Variants in GAS2 observed in about 807,000 individuals in gnomAD.
GAS2 encodes the protein growth arrest specific 2.
Under a neutral mutation model 37.5 loss-of-function variants are expected in GAS2, and 20 were observed. The observed-to-expected ratio is 0.53, with a 90% CI of 0.37 to 0.77. GAS2 has a LOEUF of 0.77. GAS2 is among the 30% of genes least tolerant of loss of function. The pLI is 0.00. For missense variants in GAS2, 336 were observed against 373.4 expected (o/e 0.90, Z 0.82); for synonymous variants, 144 against 132.2 (o/e 1.09, Z -0.61).
intron 7 of GAS2, among the ~76,000 whole-genome samples, chr11:22,758,284 C>A (rs1854160653): frequency 6.6e-6 from 1 of 152,166 alleles, no homozygotes; most frequent in African/African-American, 2.4e-5. Flanking sequence ...GTCTTCATTG[C>A]AGTTCTTGCA....
rs71037525 is a variant in GAS2 at position 22,739,572 on chromosome 11, C to CAAAA, written c.473+1826_473+1829dup. 4.6e-3 allele frequency among the ~76,000 whole-genome samples: 296 copies of CAAAA among 64,538 alleles called. 4 individuals are homozygous for CAAAA. The highest frequency in any genetic ancestry group is 5.7e-3 in the South Asian group (7 of 1,232). 42.3% of individuals were successfully genotyped at this position (64,538 alleles called of 152,430 possible). ...TGGGCGACAGAGCAAGATTCGCTCT[C>CAAAA]AAAAAAAAAAAAAAAAAAAAAAAAA... is the stretch of plus-strand genomic sequence containing the variant. On this transcript the variant is annotated intron_variant, in intron 5 of 7. Coordinates refer to ENST00000454584, the MANE Select transcript of GAS2 (RefSeq NM_001143830.3).
At position 22,690,106 on chromosome 11, in the gene GAS2, A is replaced by G. The variant is rs376332005; in HGVS notation, c.267+4317A>G. Among the ~76,000 whole-genome samples, 22 of 152,246 alleles carry G rather than the reference A, an allele frequency of 1.4e-4. No individual in the cohort carries two copies. In the East Asian group the frequency reaches 2.7e-3, roughly 19 times the overall value. ...CAATATTTTTTACTATTCTTGGTTG[A>G]TAGTTAATTTGGAGATTTTACAGCT... On this transcript the variant is annotated intron_variant, in intron 3 of 7. Coordinates refer to ENST00000454584, the MANE Select transcript of GAS2 (RefSeq NM_001143830.3).
At chr11:22,687,269 G>C (rs2133951821) in intron 3 of GAS2, among the ~76,000 whole-genome samples, 1 of 152,260 alleles carries the variant, frequency 6.6e-6, no homozygotes, top group South Asian at 2.1e-4. Context: ...TGAGGTTGCA[G>C]TGAGCCAAGA....
chr11:22,767,458 C>T (rs1854752600), intron 7 of GAS2, among the ~76,000 whole-genome samples: 1 of 152,094 alleles, frequency 6.6e-6, no homozygotes, highest in Non-Finnish European at 1.5e-5. Flanking sequence ...GTAATGTCTA[C>T]TCGCAATGTT....
intron 7 of GAS2, among the ~76,000 whole-genome samples, chr11:22,775,247 G>T (rs925428392): frequency 1.1e-4 from 16 of 152,162 alleles, no homozygotes; most frequent in African/African-American, 3.9e-4. Flanking sequence ...GAATTGAAAA[G>T]GTATAAAGTT....
intron 1 of GAS2, among the ~76,000 whole-genome samples, chr11:22,672,853 T>C (rs1032468162): frequency 2.0e-5 from 3 of 152,080 alleles, no homozygotes; most frequent in Non-Finnish European, 2.9e-5. Flanking sequence ...CTTTGGGTTT[T>C]TCATGTTTAA....
At chr11:22,791,382 C>T (rs915138455) in intron 7 of GAS2, among the ~76,000 whole-genome samples, 2 of 151,848 alleles carry the variant, frequency 1.3e-5, no homozygotes, top group African/African-American at 2.4e-5. Flanking sequence ...TCTCAGTTTG[C>T]AGGTCTCAGT....
intron 5 of GAS2, among the ~76,000 whole-genome samples, chr11:22,745,135 A>G (rs1853316760): frequency 1.6e-5 from 2 of 123,582 alleles, no homozygotes; most frequent in African/African-American, 6.0e-5. Flanking sequence ...AAAAAAAAAG[A>G]AAGAAAAAAG....
At chr11:22,723,378 C>T (rs1351435791) in intron 3 of GAS2, among the ~76,000 whole-genome samples, 2 of 151,822 alleles carry the variant, frequency 1.3e-5, no homozygotes, top group African/African-American at 2.4e-5. Flanking sequence ...ATGATAGGTA[C>T]GTGACTTTGT....
intron 7 of GAS2, among the ~76,000 whole-genome samples, chr11:22,792,876 G>A (rs114744044): frequency 1.5e-4 from 23 of 152,264 alleles, no homozygotes; most frequent in African/African-American, 5.5e-4. Flanking sequence ...AATGAGTGAT[G>A]GGATCAGAAT....
rs568805766 is a variant in GAS2 at position 22,790,771 on chromosome 11, G to A, written c.724-21027G>A. On this transcript the variant is annotated intron_variant, in intron 7 of 7. Transcript: ENST00000454584. ...AGCCACCACACCCAGCTTTCAGTAT[G>A]TTTTCTTAGCATCCTTTATTAGAAT... 8.5e-4 allele frequency among the ~76,000 whole-genome samples: 129 copies of A among 151,350 alleles called. 3 individuals carry two copies. The South Asian group carries it at 0.011, about 13-fold the overall frequency.
intron 3 of GAS2, among the ~76,000 whole-genome samples, chr11:22,695,808 C>A (rs555071156): frequency 6.6e-6 from 1 of 151,944 alleles, no homozygotes; most frequent in Admixed American, 6.6e-5. Context: ...TAATATTCAC[C>A]AATAATGAGC....
At chr11:22,628,473 C>G (rs1262384462) in intron 1 of GAS2, among the ~76,000 whole-genome samples, 1 of 152,118 alleles carries the variant, frequency 6.6e-6, no homozygotes, top group Non-Finnish European at 1.5e-5. Context: ...GGTTTTGATC[C>G]CCAAATTCCT....
intron 1 of GAS2, among the ~76,000 whole-genome samples, chr11:22,630,182 T>G (rs1308435737): frequency 1.3e-5 from 2 of 152,236 alleles, no homozygotes; most frequent in Admixed American, 6.5e-5. Flanking sequence ...TATCTCCTAA[T>G]GCTTTCCCTT....
At chr11:22,788,554 A>T (rs1855930538) in intron 7 of GAS2, among the ~76,000 whole-genome samples, 1 of 152,188 alleles carries the variant, frequency 6.6e-6, no homozygotes, top group South Asian at 2.1e-4. Context: ...GTTGAGAACC[A>T]CTGATAGAAA....
intron 5 of GAS2, among the ~76,000 whole-genome samples, chr11:22,741,362 T>C (rs1249504033): frequency 6.6e-6 from 1 of 152,192 alleles, no homozygotes. Context: ...AAAGATATTT[T>C]TACTGACAGT....
At chr11:22,762,050 G>T (rs1854420972) in intron 7 of GAS2, among the ~76,000 whole-genome samples, 4 of 152,124 alleles carry the variant, frequency 2.6e-5, no homozygotes, top group Admixed American at 2.6e-4. Context: ...TCCTGTGCTA[G>T]GAGGTCATAG....
At chr11:22,684,533 C>A (rs671057) in intron 2 of GAS2, among the ~76,000 whole-genome samples, 55,644 of 151,956 alleles carry the variant, frequency 0.37, 11,136 homozygotes, top group African/African-American at 0.54. Context: ...AAAATGGAAT[C>A]TTCTGAAACT....
At chr11:22,706,518 T>C (rs886756427) in intron 3 of GAS2, among the ~76,000 whole-genome samples, 10 of 151,770 alleles carry the variant, frequency 6.6e-5, no homozygotes, top group African/African-American at 2.2e-4. Flanking sequence ...CGGAGTGTGA[T>C]GTTCCCCTTC....
Sources: gnomAD v4.1 joint callset for allele counts (sites outside exome capture counted in the v4.1 genomes callset) on GRCh38, gnomAD v4.1.1 for gene constraint, MANE v1.5 for transcripts, NCBI Gene and HGNC (gene_info 2026-07-23, HGNC 2026-07-21) for gene names.